Variants in DNAAF9 observed in about 807,000 individuals in gnomAD.
DNAAF9 encodes the protein dynein axonemal assembly factor 9.
A neutral mutation model predicts 167.0 loss-of-function variants in DNAAF9; 90 were observed. The ratio of observed to expected loss-of-function variants is 0.54; its 90% confidence interval spans 0.45 to 0.64. The LOEUF (loss-of-function observed/expected upper bound fraction) is 0.64. Among genes scored for constraint, DNAAF9 ranks in the 30% least tolerant of loss-of-function variants. The pLI, the probability that DNAAF9 is intolerant of heterozygous loss-of-function variation, is 0.00. For missense variants in DNAAF9, 1,315 were observed against 1,442.2 expected, an observed-to-expected ratio of 0.91 and a Z score of 1.43; for synonymous variants, 491 against 508.8, an observed-to-expected ratio of 0.96 and a Z score of 0.47.
chr20:3,304,822 G>A (rs1024665395), intron 20 of DNAAF9, among the ~76,000 whole-genome samples: 2 of 152,320 alleles, frequency 1.3e-5, no homozygotes, highest in East Asian at 1.9e-4. Flanking sequence ...ATTACCTTAT[G>A]GGTATCTTCC....
chr20:3,398,004 T>A (rs1568650228), intron 1 of DNAAF9, among the ~76,000 whole-genome samples: 2 of 152,114 alleles, frequency 1.3e-5, no homozygotes, highest in Non-Finnish European at 2.9e-5. Flanking sequence ...CATTTCTACC[T>A]CCCCTGGTAA....
intron 1 of DNAAF9, among the ~76,000 whole-genome samples, chr20:3,398,422 A>G (rs1481605874): frequency 6.6e-6 from 1 of 152,160 alleles, no homozygotes; most frequent in East Asian, 1.9e-4. Flanking sequence ...GTCACTTGCA[A>G]TGGAAAGCAT....
chr20:3,343,904 GGA>G (rs1274952209), intron 8 of DNAAF9, among the ~76,000 whole-genome samples, 173 bp from the exon 9 acceptor site: 1 of 152,012 alleles, frequency 6.6e-6, no homozygotes. Context: ...CTACAGAAAG[GGA>G]GAGATGTTTG....
chr20:3,316,114 A>G, intron 18 of DNAAF9: 2 of 371,684 alleles, frequency 5.4e-6, no homozygotes, highest in Non-Finnish European at 4.9e-6. Context: ...ATGTATTAAA[A>G]TATTTTCAGA....
At chr20:3,360,054 C>A (rs1185239030) in intron 6 of DNAAF9, 1 of 152,498 alleles carries the variant, frequency 6.6e-6, no homozygotes, top group East Asian at 1.9e-4. Context: ...TTCAGCAGCA[C>A]ATATACTAAA....
Position 3,250,192 on chromosome 20 carries a change from C to T in DNAAF9, c.*2380G>A, listed in dbSNP as rs2068175893. On this transcript the variant is annotated 3_prime_UTR_variant, in exon 37 of 37. Transcript: ENST00000252032. ...CTAAGGTCAAAAGCAGTGTCATGGC[C>T]ATTCCTTTGGAAACAGCAGAAGACC... is the stretch of plus-strand genomic sequence containing the variant. 1.3e-5 allele frequency: 2 copies of T among 152,284 alleles called. No homozygotes were observed. The highest frequency in any genetic ancestry group is 4.1e-4 in the South Asian group (2 of 4,834). The allele number at this position is 152,284 out of a possible 1,614,324, so 9.4% of individuals were successfully genotyped here. A position where few individuals can be genotyped will look rare whatever the true frequency, so the allele number is the denominator to read the frequency against.
At chr20:3,378,375 G>C (rs2083603731) in intron 3 of DNAAF9, among the ~76,000 whole-genome samples, 1 of 152,218 alleles carries the variant, frequency 6.6e-6, no homozygotes, top group Non-Finnish European at 1.5e-5. Flanking sequence ...AGACTGGGAG[G>C]AAGGAAGTAG....
At chr20:3,375,206 C>T (rs2123225368) in intron 4 of DNAAF9, 80 bp from the exon 5 acceptor site, 1 of 893,666 alleles carries the variant, frequency 1.1e-6, no homozygotes, top group Non-Finnish European at 1.8e-6. Flanking sequence ...ATTTTGTCAA[C>T]CAGAGTTGTC....
intron 21 of DNAAF9, among the ~76,000 whole-genome samples, chr20:3,301,178 CTTTT>C (rs11469332): frequency 1.7e-3 from 211 of 125,130 alleles, no homozygotes; most frequent in Non-Finnish European, 2.6e-3. Flanking sequence ...TCATGCTTGG[CTTTT>C]TTTTTTTTTT....
At chr20:3,386,646 G>A (rs999844592) in intron 1 of DNAAF9, among the ~76,000 whole-genome samples, 1 of 152,054 alleles carries the variant, frequency 6.6e-6, no homozygotes, top group Non-Finnish European at 1.5e-5. Flanking sequence ...TTTGCTCTAT[G>A]AAAGACTCTG....
intron 3 of DNAAF9, among the ~76,000 whole-genome samples, chr20:3,379,825 C>T (rs951770516): frequency 6.6e-6 from 1 of 152,048 alleles, no homozygotes; most frequent in African/African-American, 2.4e-5. Flanking sequence ...CTTTGGGAGG[C>T]CAAGGCGGGA....
intron 6 of DNAAF9, among the ~76,000 whole-genome samples, chr20:3,369,486 C>G (rs1212166655): frequency 6.6e-6 from 1 of 151,996 alleles, no homozygotes; most frequent in Non-Finnish European, 1.5e-5. Flanking sequence ...AAGCAATTCT[C>G]CTGCCTCAGC....
chr20:3,324,887 C>T lies in DNAAF9; in HGVS notation c.1265+5G>A, dbSNP rs1483675874. ...TCCTTATAAAAAATATCAGCCATTG[C>T]TTACCGCAGGGCTGCCTTAAACGGA... On this transcript the variant is annotated splice_donor_5th_base_variant and intron_variant, in intron 14 of 36. Transcript: ENST00000252032. The T allele has an allele frequency of 6.5e-7, 1 of 1,527,990 alleles. No homozygotes were observed. The highest frequency in any genetic ancestry group is 9.0e-7 in the Non-Finnish European group (1 of 1,108,196). The allele number at this position is 1,527,990 out of a possible 1,614,324, so 94.7% of individuals were successfully genotyped here. A position where few individuals can be genotyped will look rare whatever the true frequency, so the allele number is the denominator to read the frequency against.
chr20:3,403,220 T>C (rs2084013183), intron 1 of DNAAF9, among the ~76,000 whole-genome samples: 1 of 152,094 alleles, frequency 6.6e-6, no homozygotes, highest in South Asian at 2.1e-4. Flanking sequence ...GCAGGAAAAG[T>C]GTACAACTAT....
chr20:3,374,000 A>C (rs757414770), intron 6 of DNAAF9, 48 bp downstream of exon 6: 1 of 1,201,044 alleles, frequency 8.3e-7, no homozygotes, highest in Non-Finnish European at 1.2e-6. Flanking sequence ...CTTCATAAAA[A>C]CAGCCCAGTG....
chr20:3,381,625 C>T (rs1220073898), intron 2 of DNAAF9, 127 bp from the exon 3 acceptor site: 9 of 846,164 alleles, frequency 1.1e-5, no homozygotes, highest in Non-Finnish European at 5.2e-6. Context: ...CAGTTTTGTG[C>T]CAGAAACCAA....
rs770090808 is a variant in DNAAF9 at position 3,278,894 on chromosome 20, ATAAAG to A, written c.2650+13_2650+17del. 6.4e-6 allele frequency: 10 copies of A among 1,565,978 alleles called. No homozygotes were observed. The highest frequency in any genetic ancestry group is 7.9e-6 in the Non-Finnish European group (9 of 1,136,070). ...AACTTGCAAGGCATGCAGGCTGAAA[ATAAAG>A]TATATTACTTACCTTGTGAACACTG... On this transcript the variant is annotated intron_variant, in intron 29 of 36. Transcript: ENST00000252032.
chr20:3,347,447 C>T (rs923472197), intron 8 of DNAAF9, among the ~76,000 whole-genome samples: 1 of 152,026 alleles, frequency 6.6e-6, no homozygotes, highest in Non-Finnish European at 1.5e-5. Flanking sequence ...TGGGTCTACA[C>T]AAAGGAATGA....
intron 25 of DNAAF9, among the ~76,000 whole-genome samples, chr20:3,292,891 C>T (rs2068987936): frequency 6.6e-6 from 1 of 151,952 alleles, no homozygotes. Context: ...TTGAGACCAT[C>T]CTGGCCAACA....
Sources: gnomAD v4.1 joint callset for allele counts (sites outside exome capture counted in the v4.1 genomes callset) on GRCh38, gnomAD v4.1.1 for gene constraint, MANE v1.5 for transcripts, NCBI Gene and HGNC (gene_info 2026-07-23, HGNC 2026-07-21) for gene names.